The following ATL2 variants were observed in gnomAD, a reference collection of about 807,000 sequenced individuals.
The protein encoded by ATL2 is atlastin-2.
Under a neutral mutation model 73.9 loss-of-function variants are expected in ATL2, and 31 were observed. The observed-to-expected ratio is 0.42, with a 90% CI of 0.32 to 0.57. The LOEUF is 0.57. Ranked by LOEUF, ATL2 falls within the 20% of genes least tolerant of loss-of-function variation. The pLI is 0.14. For missense variants in ATL2, 738 were observed against 702.6 expected (o/e 1.05, Z -0.57); for synonymous variants, 291 against 237.5 (o/e 1.23, Z -2.07).
At position 38,300,303 on chromosome 2, in the gene ATL2, T is replaced by C. The variant is rs376071199; in HGVS notation, c.1097A>G (p.Glu366Gly). The C allele has an allele frequency of 5.0e-6, 8 of 1,609,084 alleles. No homozygotes were observed. The highest frequency in any genetic ancestry group is 6.8e-6 in the Non-Finnish European group (8 of 1,175,904). The part of the protein sequence containing the change: ...FKAYIKIYQG[E>G]ELPHPKSMLQ... The stretch of plus-strand genomic sequence containing the variant: ...CATGGACTTTGGATGTGGAAGTTCT[T>C]CTCCTTGATAGATTTTGATGTAAGC... Residue 366 changes from glutamate (E) to glycine (G), a missense_variant, in exon 10 of 13, where the codon GAA (glutamate) becomes GGA (glycine). Coordinates refer to ENST00000378954, the MANE Select transcript of ATL2 (RefSeq NM_001135673.4).
At chr2:38,369,357 C>T (rs567113365) in intron 1 of ATL2, among the ~76,000 whole-genome samples, 5 of 152,096 alleles carry the variant, frequency 3.3e-5, no homozygotes, top group South Asian at 2.1e-4. Flanking sequence ...GGCAGAGGCA[C>T]GAGAATCAGT....
At chr2:38,343,163 A>T in intron 2 of ATL2, 105 bp downstream of exon 2, 2 of 635,774 alleles carry the variant, frequency 3.1e-6, no homozygotes, top group Admixed American at 4.7e-5. Flanking sequence ...AAAAAAAAAA[A>T]AAAAAAAAAA....
intron 2 of ATL2, among the ~76,000 whole-genome samples, chr2:38,322,943 G>A (rs1044987709): frequency 4.6e-5 from 7 of 152,122 alleles, no homozygotes; most frequent in African/African-American, 1.2e-4. Context: ...TCTTTAAAAC[G>A]TGTAAAAGTG....
intron 4 of ATL2, among the ~76,000 whole-genome samples, chr2:38,316,531 A>G (rs573022432): frequency 1.3e-5 from 2 of 152,202 alleles, no homozygotes; most frequent in South Asian, 4.1e-4. Context: ...TTTATCTATC[A>G]GCCAGATATC....
intron 2 of ATL2, among the ~76,000 whole-genome samples, chr2:38,323,557 G>A (rs547990468): frequency 3.4e-4 from 52 of 151,758 alleles, no homozygotes; most frequent in African/African-American, 1.1e-3. Context: ...CCAAAAAGAC[G>A]TTCTACATAA....
At chr2:38,334,813 C>T (rs1558422630) in intron 2 of ATL2, among the ~76,000 whole-genome samples, 1 of 96,066 alleles carries the variant, frequency 1.0e-5, no homozygotes, top group East Asian at 3.6e-4. Flanking sequence ...TCTATAGTTT[C>T]AATAATAATA....
intron 1 of ATL2, among the ~76,000 whole-genome samples, chr2:38,345,877 C>T (rs1669988886): frequency 6.6e-6 from 1 of 152,194 alleles, no homozygotes; most frequent in South Asian, 2.1e-4. Flanking sequence ...GTCAAACAGG[C>T]ATAGCATTAC....
chr2:38,301,488 A>G (rs1320731793), intron 9 of ATL2, among the ~76,000 whole-genome samples: 1 of 152,242 alleles, frequency 6.6e-6, no homozygotes, highest in African/African-American at 2.4e-5. Context: ...GAGGATGTGA[A>G]AAACAGTCTT....
At chr2:38,319,556 G>A (rs1344234453) in intron 2 of ATL2, among the ~76,000 whole-genome samples, 2 of 150,748 alleles carry the variant, frequency 1.3e-5, no homozygotes. Flanking sequence ...CTGAGATTGT[G>A]CCACTATACT....
At chr2:38,312,633 C>T (rs1394738073) in intron 7 of ATL2, among the ~76,000 whole-genome samples, 2 of 150,454 alleles carry the variant, frequency 1.3e-5, no homozygotes, top group South Asian at 2.1e-4. Context: ...CGCTTGAACC[C>T]GGGAAGCGGA....
rs529864608 is a variant in ATL2 at position 38,364,110 on chromosome 2, A to T, written c.118+13033T>A. ...AACCCTGTCTCTACTAAAAATACAA[A>T]AATTACCCGGGCGTGGTGGCGGATG... On this transcript the variant is annotated intron_variant, in intron 1 of 12. Transcript: ENST00000378954. 1.7e-3 allele frequency among the ~76,000 whole-genome samples: 255 copies of T among 152,154 alleles called. 3 individuals are homozygous for T. Among genetic ancestry groups the T allele is most frequent in the African/African-American group, 6.0e-3 (248 of 41,526 alleles).
rs1671782887 is a variant in ATL2 at position 38,373,233 on chromosome 2, T to A, written c.118+3910A>T. 2.0e-5 allele frequency among the ~76,000 whole-genome samples: 3 copies of A among 152,308 alleles called. No individual in the cohort carries two copies. The South Asian group carries it at 6.2e-4, about 32-fold the overall frequency. On this transcript the variant is annotated intron_variant, in intron 1 of 12. Transcript: ENST00000378954. ...GATTAAAGAAGCATTGCCGCCACAA[T>A]CAGAGCATCTTTGCAATAAAAGATA...
At chr2:38,320,382 G>A (rs915153083) in intron 2 of ATL2, among the ~76,000 whole-genome samples, 2 of 151,994 alleles carry the variant, frequency 1.3e-5, no homozygotes, top group Admixed American at 6.6e-5. Context: ...AAAATATTCC[G>A]GGAGGTAAGG....
chr2:38,342,221 A>G (rs1669765610), intron 2 of ATL2, among the ~76,000 whole-genome samples: 1 of 152,026 alleles, frequency 6.6e-6, no homozygotes, highest in Non-Finnish European at 1.5e-5. Flanking sequence ...AGGGAAAGAG[A>G]TTCATCAATT....
intron 2 of ATL2, among the ~76,000 whole-genome samples, chr2:38,338,943 C>T (rs938567781): frequency 6.6e-6 from 1 of 151,936 alleles, no homozygotes; most frequent in Non-Finnish European, 1.5e-5. Context: ...GTCAAGATCA[C>T]CAGGCTCACA....
At chr2:38,338,079 A>G (rs1471065221) in intron 2 of ATL2, among the ~76,000 whole-genome samples, 1 of 152,194 alleles carries the variant, frequency 6.6e-6, no homozygotes, top group Non-Finnish European at 1.5e-5. Context: ...GTTCCTACAG[A>G]CACTGGAATA....
intron 1 of ATL2, among the ~76,000 whole-genome samples, chr2:38,347,767 CTTTTTTT>C (rs1177228968): frequency 2.2e-5 from 3 of 133,900 alleles, no homozygotes; most frequent in Non-Finnish European, 4.8e-5. Context: ...CTGCCCTTAC[CTTTTTTT>C]TTTTTTTTTT....
chr2:38,302,582 A>AC (rs1558386656), intron 9 of ATL2, among the ~76,000 whole-genome samples: 1 of 151,730 alleles, frequency 6.6e-6, no homozygotes, highest in African/African-American at 2.4e-5. Flanking sequence ...TGCTTGTGTC[A>AC]CCCCCTCCCC....
At chr2:38,322,021 A>G (rs1356295849) in intron 2 of ATL2, among the ~76,000 whole-genome samples, 1 of 152,282 alleles carries the variant, frequency 6.6e-6, no homozygotes, top group African/African-American at 2.4e-5. Context: ...CCATACCAAA[A>G]AAAGTTACCA....
Sources: allele counts gnomAD v4.1 joint callset (sites outside exome capture counted in the v4.1 genomes callset), GRCh38; gene constraint gnomAD v4.1.1; transcripts MANE v1.5; gene names NCBI Gene and HGNC (gene_info 2026-07-23, HGNC 2026-07-21).